The following NAAA variants were observed in gnomAD, a reference collection of about 807,000 sequenced individuals.
NAAA encodes N-acylethanolamine acid amidase.
A neutral mutation model predicts 44.8 loss-of-function variants in NAAA; 39 were observed. The ratio of observed to expected loss-of-function variants is 0.87; its 90% CI spans 0.67 to 1.14. NAAA has a LOEUF of 1.14. Ranked by LOEUF, NAAA falls within the 50% of genes most tolerant of loss-of-function variation. NAAA has a pLI of 0.00. For missense variants in NAAA, 460 were observed against 467.8 expected, an observed-to-expected ratio of 0.98 and a Z score of 0.15; for synonymous variants, 178 against 191.3, an observed-to-expected ratio of 0.93 and a Z score of 0.58.
chr4:75,930,585 T>C (rs1364825534), intron 4 of NAAA: 1 of 453,916 alleles, frequency 2.2e-6, no homozygotes. Flanking sequence ...CACAGTAGTT[T>C]CCAAATGGTC....
rs1327873244 is a variant in NAAA, at chr4:75,920,476, G to A, written c.902+262C>T. 2.0e-5 allele frequency among the ~76,000 whole-genome samples: 3 copies of A among 152,284 alleles called. No individual in the cohort carries two copies. The East Asian group carries it at 5.8e-4, about 29-fold the overall frequency. On this transcript the variant is annotated intron_variant, in intron 7 of 10. Transcript: ENST00000286733. ...AACAGAGGCCCGAGAGCCACCCAGTGAGTCACTAGCAGAGCTGGTGGTGGG... is the reference window on the plus strand; with the variant it reads ...AACAGAGGCCCGAGAGCCACCCAGTAAGTCACTAGCAGAGCTGGTGGTGGG...
At chr4:75,921,621 G>A (rs1248759943) in intron 5 of NAAA, among the ~76,000 whole-genome samples, 2 of 152,178 alleles carry the variant, frequency 1.3e-5, no homozygotes, top group African/African-American at 4.8e-5. Context: ...AGAATAAGAT[G>A]CTATGGACGT....
chr4:75,932,909 C>T (rs1010038257), intron 3 of NAAA, among the ~76,000 whole-genome samples: 1 of 152,010 alleles, frequency 6.6e-6, no homozygotes, highest in African/African-American at 2.4e-5. Flanking sequence ...CCAAGGTAGG[C>T]GGATCACTTG....
chr4:75,940,011 C>T lies in NAAA; in HGVS notation c.361G>A (p.Glu121Lys). The T allele has an allele frequency of 3.1e-6, 5 of 1,613,834 alleles. No homozygotes were observed. Among genetic ancestry groups the T allele is most frequent in the Non-Finnish European group, 4.2e-6 (5 of 1,180,030 alleles). ...GCTTGGGGCACTCACACGGAGGACT[C>T]GTAGGCCAGGTTGACCAGAAGGCAG... Reference protein sequence around the residue: ...ADCLLVNLAYESSVFCTSIVA... With the variant: ...ADCLLVNLAYKSSVFCTSIVA... The change falls in exon 2 of 11, where the codon GAG (glutamate) becomes AAG (lysine). Residue 121 changes from glutamate to lysine, a missense_variant. By Grantham distance (56) the Glu-to-Lys change is moderately conservative. Transcript: ENST00000286733.
chr4:75,917,000 G>A (rs113278925), intron 9 of NAAA: 25 of 464,802 alleles, frequency 5.4e-5, no homozygotes, highest in Non-Finnish European at 6.7e-5. Flanking sequence ...GGCTGGTCTC[G>A]AACTCCTGAC....
chr4:75,914,966 C>T lies in NAAA; in HGVS notation c.1018G>A (p.Val340Ile), dbSNP rs758120876. 2.5e-6 allele frequency: 4 copies of T among 1,613,046 alleles called. No individual in the cohort carries two copies. In the Admixed American group the frequency reaches 5.0e-5, roughly 20 times the overall value. The part of the protein sequence containing the change: ...VYNNFTIYTT[V>I]MSAGSPDKYM... ...TTGTCTGGGCTACCGGCGCTCATTA[C>T]CGTAGTATAAATTGTGAAGCTGAAA... is the stretch of plus-strand genomic sequence containing the variant. The change falls in exon 10 of 11, where the codon GTA becomes ATA. Residue 340 changes from valine (V) to isoleucine (I), a missense_variant. Physicochemically the swap from Val to Ile is conservative, Grantham distance 29. Transcript: ENST00000286733.
chr4:75,928,816 C>G lies in NAAA; in HGVS notation c.589+2398G>C, dbSNP rs367898798. Among the ~76,000 whole-genome samples the G allele has an allele frequency of 1.4e-3, 210 of 149,628 alleles. 1 individual carries two copies. The highest frequency in any genetic ancestry group is 5.1e-3 in the African/African-American group (207 of 40,536). On this transcript the variant is annotated intron_variant, in intron 4 of 10. Coordinates refer to ENST00000286733, the MANE Select transcript of NAAA (RefSeq NM_014435.4). ...TTTTTCTTTTTTTTTGAGATGGAGT[C>G]TCGCTCTGTCGCCCATGCTGGAGTG...
intron 3 of NAAA, chr4:75,935,311 C>T (rs1727611188): frequency 6.6e-6 from 1 of 152,166 alleles, no homozygotes; most frequent in African/African-American, 2.4e-5. Flanking sequence ...GGAATATAGT[C>T]CTTGTCCTTA....
chr4:75,933,704 C>T (rs1727440833), intron 3 of NAAA, among the ~76,000 whole-genome samples: 1 of 152,058 alleles, frequency 6.6e-6, no homozygotes, highest in Admixed American at 6.6e-5. Flanking sequence ...TCTGCCTAGT[C>T]AGTTAACATA....
Position 75,920,770 on chromosome 4 carries a change from G to A in NAAA, c.870C>T (p.His290=). The A allele has an allele frequency of 6.2e-7, 1 of 1,614,192 alleles. No individual in the cohort carries two copies. Among genetic ancestry groups the A allele is most frequent in the Admixed American group, 1.7e-5 (1 of 60,024 alleles). Residue 290 remains histidine (H), a synonymous_variant, in exon 7 of 11, where the codon CAC becomes CAT. Coordinates refer to ENST00000286733, the MANE Select transcript of NAAA (RefSeq NM_014435.4). ...AWFRVETNYD[H]WKPAPKEDDR... ...CATCTTCCTTGGGTGCTGGCTTCCAGTGGTCGTAATTTGTCTCAACTCGGA... is the reference window on the plus strand; with the variant it reads ...CATCTTCCTTGGGTGCTGGCTTCCAATGGTCGTAATTTGTCTCAACTCGGA...
chr4:75,914,297 T>C lies in NAAA; in HGVS notation c.*78A>G. ...AATACTTTCACTTTGTCTTATTTTT[T>C]AAGGTGCAGCTCTTCAAGAATTTCA... On this transcript the variant is annotated 3_prime_UTR_variant, in exon 11 of 11. Coordinates refer to ENST00000286733, the MANE Select transcript of NAAA (RefSeq NM_014435.4). The C allele has an allele frequency of 1.0e-6, 1 of 985,390 alleles. No homozygotes were observed. The highest frequency in any genetic ancestry group is 1.2e-6 in the Non-Finnish European group (1 of 829,522). The allele number at this position is 985,390 out of a possible 1,614,324, so 61.0% of individuals were successfully genotyped here. A position where few individuals can be genotyped will look rare whatever the true frequency, so the allele number is the denominator to read the frequency against.
rs1262445961 is a variant in NAAA, at chr4:75,940,107, G to A, written c.265C>T (p.Arg89Cys). The change falls in exon 2 of 11, where the codon CGC becomes TGC. Residue 89 changes from arginine to cysteine, a missense_variant. Transcript: ENST00000286733. ...LIGKVVLELERFLPQPFTGEI... is the reference protein window; with the variant it reads ...LIGKVVLELECFLPQPFTGEI... Reference sequence around the variant, plus strand: ...CCGGTGAAGGGCTGGGGCAGGAAGCGCTCCAGCTCCAGGACCACTTTTCCG... The same window carrying A: ...CCGGTGAAGGGCTGGGGCAGGAAGCACTCCAGCTCCAGGACCACTTTTCCG... 3.7e-6 allele frequency: 6 copies of A among 1,614,120 alleles called. No homozygotes were observed. The highest frequency in any genetic ancestry group is 3.3e-5 in the Admixed American group (2 of 60,018).
At chr4:75,916,768 T>C in intron 9 of NAAA, among the ~76,000 whole-genome samples, 1 of 147,634 alleles carries the variant, frequency 6.8e-6, no homozygotes, top group East Asian at 2.0e-4. Context: ...AAAAGATATA[T>C]TCATCACTTC....
chr4:75,915,402 A>G (rs375283628), intron 9 of NAAA, among the ~76,000 whole-genome samples: 43 of 152,186 alleles, frequency 2.8e-4, no homozygotes, highest in African/African-American at 1.0e-3. Flanking sequence ...ACCCCAAGGC[A>G]GTGGGGGAGA....
At position 75,925,784 on chromosome 4, in the gene NAAA, A is replaced by T; in HGVS notation, c.617T>A (p.Ile206Asn). ...RDKGWWWENA[I>N]AALFRRHIPV... is the part of the protein sequence containing the mutation. Reference sequence around the variant, plus strand: ...AATGTGTCTCCGAAACAGGGCAGCGATAGCATTCTCCCACCACCAGCCTTT... The same window carrying T: ...AATGTGTCTCCGAAACAGGGCAGCGTTAGCATTCTCCCACCACCAGCCTTT... The change falls in exon 5 of 11, where the codon ATC (isoleucine) becomes AAC (asparagine). Residue 206 changes from isoleucine to asparagine, a missense_variant. Transcript: ENST00000286733. 1 of 1,614,220 alleles carries T rather than the reference A, an allele frequency of 6.2e-7. No individual in the cohort carries two copies.
intron 3 of NAAA, among the ~76,000 whole-genome samples, chr4:75,933,715 A>G (rs1003465583): frequency 1.2e-4 from 19 of 152,138 alleles, no homozygotes; most frequent in African/African-American, 4.6e-4. Context: ...AGTTAACATA[A>G]ACAAACCCTT....
rs192823870 is a variant in NAAA, at chr4:75,926,430, G to A, written c.590-619C>T. Among the ~76,000 whole-genome samples the A allele has an allele frequency of 2.7e-3, 415 of 151,628 alleles. 2 individuals are homozygous for A. The highest frequency in any genetic ancestry group is 9.7e-3 in the African/African-American group (399 of 41,298). On this transcript the variant is annotated intron_variant, in intron 4 of 10. Coordinates refer to ENST00000286733, the MANE Select transcript of NAAA (RefSeq NM_014435.4). ...ATAAAAATTAGCTGAGCATGGTGGCGGGCACCTGTAATCCCAGCTACTTGG... is the reference window on the plus strand; with the variant it reads ...ATAAAAATTAGCTGAGCATGGTGGCAGGCACCTGTAATCCCAGCTACTTGG...
intron 4 of NAAA, among the ~76,000 whole-genome samples, chr4:75,927,633 G>C (rs1340668606): frequency 2.8e-4 from 27 of 95,772 alleles, no homozygotes; most frequent in East Asian, 4.6e-4. Context: ...AATTTTTAAT[G>C]CCCCCCCCCC....
intron 2 of NAAA, among the ~76,000 whole-genome samples, chr4:75,939,113 A>G (rs1283210972): frequency 1.3e-5 from 2 of 152,144 alleles, no homozygotes; most frequent in Non-Finnish European, 2.9e-5. Flanking sequence ...TCGGCCTCCC[A>G]AAGTGCTGGG....
Sources: gnomAD v4.1 joint callset for allele counts (sites outside exome capture counted in the v4.1 genomes callset) on GRCh38, gnomAD v4.1.1 for gene constraint, MANE v1.5 for transcripts, NCBI Gene and HGNC (gene_info 2026-07-23, HGNC 2026-07-21) for gene names.